Variants in UBR3 observed in about 807,000 individuals in gnomAD.
The protein encoded by UBR3 is E3 ubiquitin-protein ligase UBR3.
In UBR3, 85 loss-of-function variants were observed where a neutral mutation model predicts 243.2. The ratio of observed to expected loss-of-function variants is 0.35; its 90% confidence interval spans 0.29 to 0.42. The LOEUF is 0.42. UBR3 is among the 10% of genes least tolerant of loss of function. The pLI, the probability that UBR3 is intolerant of heterozygous loss-of-function variation, is 1.00. For synonymous variants in UBR3, 748 were observed against 799.8 expected, an observed-to-expected ratio of 0.94 and a Z score of 1.09; for missense variants, 1,686 against 2,300.8, an observed-to-expected ratio of 0.73 and a Z score of 5.47.
intron 35 of UBR3, among the ~76,000 whole-genome samples, chr2:170,065,786 C>CT (rs35157828): frequency 6.6e-6 from 1 of 151,764 alleles, no homozygotes; most frequent in Admixed American, 6.6e-5. Flanking sequence ...AATAACTTGC[C>CT]TTTTTACTAT....
intron 8 of UBR3, among the ~76,000 whole-genome samples, chr2:169,900,033 A>G (rs549923638): frequency 2.6e-5 from 4 of 152,270 alleles, no homozygotes; most frequent in African/African-American, 9.6e-5. Context: ...TGCTGGGTCA[A>G]ATGGTATTTC....
chr2:169,891,067 G>T (rs2084355954), intron 5 of UBR3, 98 bp from the exon 6 acceptor site: 2 of 725,796 alleles, frequency 2.8e-6, no homozygotes, highest in African/African-American at 3.5e-5. Context: ...ATGTAAGCAT[G>T]CATATATTAT....
At chr2:170,080,250 A>T in intron 37 of UBR3, 2 of 582,280 alleles carry the variant, frequency 3.4e-6, no homozygotes, top group Non-Finnish European at 5.9e-6. Context: ...TTCATCTACT[A>T]TCCCTTTAAT....
At chr2:169,863,062 GAA>G (rs1351121685) in intron 1 of UBR3, among the ~76,000 whole-genome samples, 2 of 152,094 alleles carry the variant, frequency 1.3e-5, no homozygotes, top group Non-Finnish European at 2.9e-5. Context: ...TCAAATTCTT[GAA>G]AAATGTGGTT....
intron 33 of UBR3, among the ~76,000 whole-genome samples, chr2:170,058,513 T>C (rs563484623): frequency 1.4e-3 from 190 of 137,228 alleles, no homozygotes; most frequent in African/African-American, 4.8e-3. Flanking sequence ...TCTTTTCTTA[T>C]CTTTTCTTCC....
At chr2:170,080,924 G>A (rs1421601030) in intron 38 of UBR3, among the ~76,000 whole-genome samples, 1 of 152,184 alleles carries the variant, frequency 6.6e-6, no homozygotes, top group Non-Finnish European at 1.5e-5. Context: ...CAGGCCCAGT[G>A]GCTCACACCT....
Position 169,953,527 on chromosome 2 carries a change from T to C in UBR3, c.3545+3462T>C, listed in dbSNP as rs2087131895. 3.9e-5 allele frequency among the ~76,000 whole-genome samples: 6 copies of C among 152,344 alleles called. No individual in the cohort carries two copies. The South Asian group carries it at 1.2e-3, about 32-fold the overall frequency. On this transcript the variant is annotated intron_variant, in intron 23 of 38. Coordinates refer to ENST00000272793, the MANE Select transcript of UBR3 (RefSeq NM_172070.4). ...GAGTTAATGGAAAATTTTTGAGTTG[T>C]CCTGAATCTGCCAGAACTTGTATAT...
chr2:169,978,285 G>A (rs2088558125), intron 24 of UBR3, among the ~76,000 whole-genome samples: 1 of 152,096 alleles, frequency 6.6e-6, no homozygotes, highest in African/African-American at 2.4e-5. Context: ...AGGTGCAGGT[G>A]CTTGGAGGGG....
At chr2:169,904,476 A>G (rs12992248) in intron 8 of UBR3, among the ~76,000 whole-genome samples, 63,363 of 151,968 alleles carry the variant, frequency 0.42, 15,003 homozygotes, top group Non-Finnish European at 0.54. Flanking sequence ...ATTTTTAATG[A>G]TAAAGATTTC....
intron 32 of UBR3, among the ~76,000 whole-genome samples, chr2:170,054,404 C>T (rs553755314): frequency 5.7e-4 from 86 of 152,058 alleles, no homozygotes; most frequent in Non-Finnish European, 1.1e-3. Flanking sequence ...GCCTCAGCCT[C>T]CCAAGTAGCT....
Position 169,875,930 on chromosome 2 carries a change from C to T in UBR3, c.825C>T (p.Asn275=). ...VLTQVLTNQQ[N]YKDLTSGLGE... ...CTCAGGTTTTGACAAACCAACAAAA[C>T]TACAAAGATCTGACTTCTGGTGAGT... is the stretch of plus-strand genomic sequence containing the variant. The change falls in exon 3 of 39, where the codon AAC becomes AAT. Residue 275 remains asparagine (N), a synonymous_variant. Coordinates refer to ENST00000272793, the MANE Select transcript of UBR3 (RefSeq NM_172070.4). 2 of 1,534,844 alleles carry T rather than the reference C, an allele frequency of 1.3e-6. No individual in the cohort carries two copies. The highest frequency in any genetic ancestry group is 1.8e-6 in the Non-Finnish European group (2 of 1,141,186).
At chr2:170,001,912 C>CAGAAAAA (rs2089715934) in intron 27 of UBR3, among the ~76,000 whole-genome samples, 1 of 67,510 alleles carries the variant, frequency 1.5e-5, no homozygotes, top group Non-Finnish European at 2.5e-5. Flanking sequence ...GACTCCATCT[C>CAGAAAAA]AAAAAAAAAA....
intron 8 of UBR3, among the ~76,000 whole-genome samples, chr2:169,898,315 A>T (rs1004054652): frequency 6.6e-6 from 1 of 152,196 alleles, no homozygotes; most frequent in African/African-American, 2.4e-5. Context: ...AATTGATATG[A>T]ACTCAGTGCA....
Position 169,828,034 on chromosome 2 carries a change from A to G in UBR3, c.527A>G (p.Asn176Ser), listed in dbSNP as rs1379577354. 2 of 1,392,030 alleles carry G rather than the reference A, an allele frequency of 1.4e-6. No homozygotes were observed. The highest frequency in any genetic ancestry group is 1.5e-5 in the South Asian group (1 of 66,546). 86.2% of individuals were successfully genotyped at this position (1,392,030 alleles called of 1,614,324 possible). Residue 176 changes from asparagine (N) to serine (S), a missense_variant, in exon 1 of 39, where the codon AAC (asparagine) becomes AGC (serine). Asn to Ser is a conservative substitution (Grantham distance 46). Transcript: ENST00000272793. ...AGGACDCGDS[N>S]VMRESGFCKR... The stretch of plus-strand genomic sequence containing the variant: ...GGCGCCTGCGACTGCGGGGACAGCA[A>G]CGTGATGCGGGAGAGCGGGTGAGTG...
intron 10 of UBR3, among the ~76,000 whole-genome samples, chr2:169,912,216 T>TA (rs34091312): frequency 0.42 from 64,371 of 152,062 alleles, 15,238 homozygotes; most frequent in Non-Finnish European, 0.54. Flanking sequence ...GTTTTTAACT[T>TA]AAAAAAGGAG....
At chr2:170,033,581 ACCCC>A (rs796698202) in intron 31 of UBR3, among the ~76,000 whole-genome samples, 2 of 29,164 alleles carry the variant, frequency 6.9e-5, no homozygotes, top group African/African-American at 1.4e-4. Flanking sequence ...TTCCACACCC[ACCCC>A]CCCCCCCCCC....
intron 6 of UBR3, among the ~76,000 whole-genome samples, chr2:169,892,127 C>T (rs1352281860): frequency 1.3e-5 from 2 of 152,182 alleles, no homozygotes; most frequent in Non-Finnish European, 2.9e-5. Context: ...TTCTAAGTCT[C>T]AGTTACTATG....
At chr2:169,828,088 G>A in intron 1 of UBR3, 36 bp downstream of exon 1, 4 of 1,352,114 alleles carry the variant, frequency 3.0e-6, no homozygotes, top group Non-Finnish European at 3.8e-6. Context: ...AGGCGACCCT[G>A]GGCCGGGGAC....
intron 35 of UBR3, among the ~76,000 whole-genome samples, chr2:170,063,058 A>AT (rs1480214571): frequency 6.6e-6 from 1 of 152,256 alleles, no homozygotes; most frequent in Non-Finnish European, 1.5e-5. Flanking sequence ...ATAAAACCTC[A>AT]TTCTAGTATA....
Sources: allele counts gnomAD v4.1 joint callset (sites outside exome capture counted in the v4.1 genomes callset), GRCh38; gene constraint gnomAD v4.1.1; transcripts MANE v1.5; gene names NCBI Gene and HGNC (gene_info 2026-07-23, HGNC 2026-07-21).